Variants in PCDHGA10 observed in about 807,000 individuals in gnomAD.
PCDHGA10 encodes the protein protocadherin gamma subfamily A, 10, also known as protocadherin gamma-A10.
Under a neutral mutation model 59.5 loss-of-function variants are expected in PCDHGA10, and 42 were observed. The observed-to-expected ratio is 0.71, with a 90% CI of 0.55 to 0.91. PCDHGA10 has a LOEUF of 0.91. PCDHGA10 is among the 40% of genes least tolerant of loss of function. The pLI is 0.00. For synonymous variants in PCDHGA10, 511 were observed against 517.2 expected (o/e 0.99, Z 0.16); for missense variants, 1,111 against 1,198.2 (o/e 0.93, Z 1.07).
intron 1 of PCDHGA10, among the ~76,000 whole-genome samples, chr5:141,473,542 G>A (rs1444751260): frequency 6.6e-6 from 1 of 152,176 alleles, no homozygotes; most frequent in Non-Finnish European, 1.5e-5. Flanking sequence ...GGGGCCTAAT[G>A]GAAGACCTCT....
Position 141,499,370 on chromosome 5 carries a change from A to T in PCDHGA10, c.2495+4505A>T, listed in dbSNP as rs546430948. ...CATTCAACAAACAAATAGCAACTTA[A>T]TTTTTTTCCACTTATAAAATAGTAC... On this transcript the variant is annotated intron_variant, in intron 2 of 3. Coordinates refer to ENST00000398610, the MANE Select transcript of PCDHGA10 (RefSeq NM_018913.3). 2.0e-3 allele frequency among the ~76,000 whole-genome samples: 300 copies of T among 152,286 alleles called. 1 individual carries two copies. The highest frequency in any genetic ancestry group is 2.7e-3 in the Non-Finnish European group (184 of 68,028).
chr5:141,491,434 A>G lies in PCDHGA10; in HGVS notation c.2437-3373A>G, dbSNP rs1362196179. The G allele has an allele frequency of 6.2e-7, 1 of 1,614,032 alleles. No individual in the cohort carries two copies. ...GGACGGGGGTGGAGGGCAGTGCTGC[A>G]GGCGCCAGGACTCACCCTCCCCGGA... On this transcript the variant is annotated intron_variant, in intron 1 of 3. Coordinates refer to ENST00000398610, the MANE Select transcript of PCDHGA10 (RefSeq NM_018913.3). The surrounding 1 kb of genome is among the most constrained non-coding windows in gnomAD (Gnocchi z 6.9).
intron 1 of PCDHGA10, among the ~76,000 whole-genome samples, chr5:141,492,808 A>C (rs1261752522): frequency 6.6e-6 from 1 of 152,252 alleles, no homozygotes; most frequent in African/African-American, 2.4e-5. Flanking sequence ...CTGGGACTCC[A>C]GTGGCACCAG....
At chr5:141,508,124 G>C (rs1248096612) in intron 3 of PCDHGA10, 1 of 152,640 alleles carries the variant, frequency 6.6e-6, no homozygotes, top group Non-Finnish European at 1.5e-5. Flanking sequence ...AGGACAGAGG[G>C]AGGTCAGGGA....
At position 141,432,299 on chromosome 5, in the gene PCDHGA10, C is replaced by G; in HGVS notation, c.2436+16688C>G. ...GTCCATCAACTCCGACACTGGGGTA[C>G]TGTATGCGCTGAGCTCCTTCGACTA... is the stretch of plus-strand genomic sequence containing the variant. On this transcript the variant is annotated intron_variant, in intron 1 of 3. Transcript: ENST00000398610. This position sits in a 1 kb window ranked among gnomAD's most constrained non-coding sequence, Gnocchi z 6.0. The G allele has an allele frequency of 2.5e-6, 4 of 1,614,278 alleles. No homozygotes were observed. The highest frequency in any genetic ancestry group is 3.4e-6 in the Non-Finnish European group (4 of 1,180,056).
intron 1 of PCDHGA10, among the ~76,000 whole-genome samples, chr5:141,425,819 A>C (rs1183860957): frequency 6.6e-6 from 1 of 152,246 alleles, no homozygotes; most frequent in Non-Finnish European, 1.5e-5. Flanking sequence ...TTAGAAAAAA[A>C]CAAACTTTTA....
intron 1 of PCDHGA10, among the ~76,000 whole-genome samples, chr5:141,492,408 C>T (rs1187024017): frequency 2.0e-5 from 3 of 152,244 alleles, no homozygotes; most frequent in African/African-American, 2.4e-5. Flanking sequence ...CTCCCCTCTG[C>T]CGCTCCCTCC....
At chr5:141,439,077 C>T (rs978045948) in intron 1 of PCDHGA10, among the ~76,000 whole-genome samples, 1 of 151,492 alleles carries the variant, frequency 6.6e-6, no homozygotes, top group Non-Finnish European at 1.5e-5. Flanking sequence ...CCTGTAATCC[C>T]AGCTACTCAG....
chr5:141,484,266 T>G (rs2099593967), intron 1 of PCDHGA10, among the ~76,000 whole-genome samples: 1 of 152,220 alleles, frequency 6.6e-6, no homozygotes, highest in Non-Finnish European at 1.5e-5. Flanking sequence ...ACACTGATTC[T>G]TTACTGTTTT....
Position 141,415,107 on chromosome 5 carries a change from A to T in PCDHGA10, c.1932A>T (p.Gln644His). The change falls in exon 1 of 4, where the codon CAA becomes CAT. Residue 644 changes from glutamine (Q) to histidine (H), a missense_variant. Transcript: ENST00000398610. ...TGCTGGACAGAGACGCGCTCAAGCA[A>T]AGCCTCGTAGTGGCCGTCCAGGACC... ...RALLDRDALKQSLVVAVQDHG... is the reference protein window; with the variant it reads ...RALLDRDALKHSLVVAVQDHG... 6.2e-7 allele frequency: 1 copy of T among 1,613,624 alleles called. No homozygotes were observed. Among genetic ancestry groups the T allele is most frequent in the Non-Finnish European group, 8.5e-7 (1 of 1,179,972 alleles).
intron 1 of PCDHGA10, chr5:141,418,113 T>C (rs1320881856): frequency 3.1e-6 from 5 of 1,613,912 alleles, no homozygotes; most frequent in Non-Finnish European, 3.4e-6. Context: ...GGGGACTTAC[T>C]TGTGAAGGAC....
In PCDHGA10 at chr5:141,487,102, G is replaced by C; in HGVS notation, c.2437-7705G>C. The C allele has an allele frequency of 6.2e-7, 1 of 1,613,900 alleles. No homozygotes were observed. Among genetic ancestry groups the C allele is most frequent in the Non-Finnish European group, 8.5e-7 (1 of 1,179,818 alleles). ...CAGCTGACCTCCCACCACAGAAGCTGGTCATTGTGGTAAAGGATAGTGGTA... is the reference window on the plus strand; with the variant it reads ...CAGCTGACCTCCCACCACAGAAGCTCGTCATTGTGGTAAAGGATAGTGGTA... On this transcript the variant is annotated intron_variant, in intron 1 of 3. Transcript: ENST00000398610. This position sits in a 1 kb window ranked among gnomAD's most constrained non-coding sequence, Gnocchi z 5.0.
Position 141,489,560 on chromosome 5 carries a change from A to C in PCDHGA10, c.2437-5247A>C, listed in dbSNP as rs749076412. On this transcript the variant is annotated intron_variant, in intron 1 of 3. Coordinates refer to ENST00000398610, the MANE Select transcript of PCDHGA10 (RefSeq NM_018913.3). This position sits in a 1 kb window ranked among gnomAD's most constrained non-coding sequence, Gnocchi z 4.5. Reference sequence around the variant, plus strand: ...AGCACCAGCTGCCTGCTGCCAGTGCAGGTGGTGACTGAACACCCCCTGGAG... The same window carrying C: ...AGCACCAGCTGCCTGCTGCCAGTGCCGGTGGTGACTGAACACCCCCTGGAG... 2 of 1,614,142 alleles carry C rather than the reference A, an allele frequency of 1.2e-6. No individual in the cohort carries two copies. Among genetic ancestry groups the C allele is most frequent in the Admixed American group, 3.3e-5 (2 of 60,024 alleles).
At chr5:141,494,522 G>C (rs2099754911) in intron 1 of PCDHGA10, among the ~76,000 whole-genome samples, 1 of 152,196 alleles carries the variant, frequency 6.6e-6, no homozygotes, top group Non-Finnish European at 1.5e-5. Flanking sequence ...CAGGAGTTCT[G>C]ACTCTGGGGG....
At chr5:141,450,587 A>G (rs1396203849) in intron 1 of PCDHGA10, among the ~76,000 whole-genome samples, 1 of 151,720 alleles carries the variant, frequency 6.6e-6, no homozygotes, top group East Asian at 1.9e-4. Flanking sequence ...CCCAGGTTCA[A>G]GCAATTCTCC....
chr5:141,475,852 G>A, intron 1 of PCDHGA10: 1 of 467,402 alleles, frequency 2.1e-6, no homozygotes, highest in East Asian at 3.7e-5. Context: ...AGAGCCCGGC[G>A]CTAGCTCATT....
Position 141,490,192 on chromosome 5 carries a change from A to C in PCDHGA10, c.2437-4615A>C. 1 of 1,614,182 alleles carries C rather than the reference A, an allele frequency of 6.2e-7. No homozygotes were observed. Among genetic ancestry groups the C allele is most frequent in the South Asian group, 1.1e-5 (1 of 91,082 alleles). On this transcript the variant is annotated intron_variant, in intron 1 of 3. Coordinates refer to ENST00000398610, the MANE Select transcript of PCDHGA10 (RefSeq NM_018913.3). The surrounding 1 kb of genome is among the most constrained non-coding windows in gnomAD (Gnocchi z 5.4). Reference sequence around the variant, plus strand: ...CTTTGAGGAGTCACGTTTCTATGAAATTCATGCAAGAGCCCGTGACCAGGG... The same window carrying C: ...CTTTGAGGAGTCACGTTTCTATGAACTTCATGCAAGAGCCCGTGACCAGGG...
chr5:141,428,201 CT>C (rs1332694675), intron 1 of PCDHGA10: 1 of 1,349,696 alleles, frequency 7.4e-7, no homozygotes, highest in South Asian at 1.2e-5. Context: ...CTCTGCGCCG[CT>C]ACGCTTCACC....
chr5:141,466,085 G>T (rs1028177123), intron 1 of PCDHGA10, among the ~76,000 whole-genome samples: 2 of 151,984 alleles, frequency 1.3e-5, no homozygotes, highest in African/African-American at 4.8e-5. Flanking sequence ...TCATGCCACT[G>T]CACTCCAGCC....
Sources: allele counts gnomAD v4.1 joint callset (sites outside exome capture counted in the v4.1 genomes callset), GRCh38; gene constraint gnomAD v4.1.1; non-coding constraint Gnocchi (gnomAD v3.1); transcripts MANE v1.5; gene names NCBI Gene and HGNC (gene_info 2026-07-23, HGNC 2026-07-21).